PCSK2: variants seen among roughly 807,000 people sequenced by gnomAD.
PCSK2 encodes the protein neuroendocrine convertase 2.
A neutral mutation model predicts 69.7 loss-of-function variants in PCSK2; 14 were observed. That is an observed-to-expected ratio of 0.20 (90% CI 0.13 to 0.31). PCSK2 has a LOEUF of 0.31. PCSK2 is among the 10% of genes least tolerant of loss of function. The pLI is 1.00. For missense variants in PCSK2, 544 were observed against 842.5 expected, an observed-to-expected ratio of 0.65 and a Z score of 4.39; for synonymous variants, 307 against 320.7, an observed-to-expected ratio of 0.96 and a Z score of 0.46.
intron 9 of PCSK2, among the ~76,000 whole-genome samples, chr20:17,455,335 T>C (rs1242130223): frequency 6.6e-6 from 1 of 152,216 alleles, no homozygotes; most frequent in Non-Finnish European, 1.5e-5. Flanking sequence ...CCGTCGTTTA[T>C]ACATGATTTT....
intron 5 of PCSK2, among the ~76,000 whole-genome samples, chr20:17,386,354 A>G (rs2031233135): frequency 6.6e-6 from 1 of 152,224 alleles, no homozygotes; most frequent in Admixed American, 6.5e-5. Flanking sequence ...TCAATCAATC[A>G]ATCGATGAAT....
At chr20:17,245,017 G>A (rs1033918450) in intron 1 of PCSK2, among the ~76,000 whole-genome samples, 2 of 152,032 alleles carry the variant, frequency 1.3e-5, no homozygotes, top group African/African-American at 4.8e-5. Context: ...TTCTTCCCAG[G>A]CAGAGCAGGT....
intron 11 of PCSK2, among the ~76,000 whole-genome samples, chr20:17,481,280 G>T (rs2033394359): frequency 6.6e-6 from 1 of 151,316 alleles, no homozygotes; most frequent in East Asian, 1.9e-4. Context: ...TACTGGGGAG[G>T]CTGAGGCATG....
chr20:17,469,831 G>A lies in PCSK2; in HGVS notation c.1430+4278G>A, dbSNP rs531560039. 3.0e-3 allele frequency among the ~76,000 whole-genome samples: 449 copies of A among 152,076 alleles called. 2 individuals are homozygous for A. The highest frequency in any genetic ancestry group is 0.01 in the African/African-American group (416 of 41,486). ...GAGCCCAGTCACTTTGACCCCTCAC[G>A]GTGGGCTCTCAGGTATCTCAGTGAC... On this transcript the variant is annotated intron_variant, in intron 11 of 11. Transcript: ENST00000262545.
intron 2 of PCSK2, among the ~76,000 whole-genome samples, chr20:17,265,882 G>T (rs1429373202): frequency 1.3e-5 from 2 of 152,184 alleles, no homozygotes; most frequent in Non-Finnish European, 2.9e-5. Flanking sequence ...CAGAGAGAGA[G>T]AAGGTGACTT....
At chr20:17,370,126 A>G (rs1460981268) in intron 5 of PCSK2, among the ~76,000 whole-genome samples, 1 of 152,236 alleles carries the variant, frequency 6.6e-6, no homozygotes, top group East Asian at 1.9e-4. Context: ...ACAAGATTCA[A>G]GCATTGGTGC....
intron 2 of PCSK2, among the ~76,000 whole-genome samples, chr20:17,275,287 T>C (rs1441959596): frequency 6.6e-6 from 1 of 151,964 alleles, no homozygotes; most frequent in Non-Finnish European, 1.5e-5. Context: ...TGCAGTGATA[T>C]CAGCAGGTAA....
chr20:17,342,729 G>A (rs1990541078), intron 2 of PCSK2, among the ~76,000 whole-genome samples: 1 of 151,864 alleles, frequency 6.6e-6, no homozygotes, highest in African/African-American at 2.4e-5. Flanking sequence ...GACCTCCTGG[G>A]CTCTAGTGAT....
At chr20:17,296,065 T>C (rs1327248392) in intron 2 of PCSK2, among the ~76,000 whole-genome samples, 2 of 152,168 alleles carry the variant, frequency 1.3e-5, no homozygotes, top group African/African-American at 4.8e-5. Flanking sequence ...CTGATGTGTT[T>C]CAAAGCCCCA....
At chr20:17,378,133 A>G (rs1570008) in intron 5 of PCSK2, among the ~76,000 whole-genome samples, 137,766 of 152,150 alleles carry the variant, frequency 0.91, 62,490 homozygotes, top group South Asian at 0.96. Flanking sequence ...CTTAGTGCTA[A>G]CCTGGAAATA....
intron 1 of PCSK2, among the ~76,000 whole-genome samples, chr20:17,256,545 G>T (rs1257344832): frequency 1.3e-5 from 2 of 151,818 alleles, no homozygotes; most frequent in African/African-American, 4.8e-5. Context: ...CCTCTCCCCA[G>T]GTTGTTTGTT....
At chr20:17,300,447 T>C (rs1989042077) in intron 2 of PCSK2, among the ~76,000 whole-genome samples, 1 of 152,250 alleles carries the variant, frequency 6.6e-6, no homozygotes, top group South Asian at 2.1e-4. Context: ...CCTATCTGCA[T>C]GAAATATGGA....
At chr20:17,382,743 C>G (rs761003752) in intron 5 of PCSK2, among the ~76,000 whole-genome samples, 10 of 152,126 alleles carry the variant, frequency 6.6e-5, no homozygotes, top group Non-Finnish European at 1.3e-4. Context: ...TTACAAAGAA[C>G]AAAGTAGTGG....
rs1272741949 is a variant in PCSK2 at position 17,276,921 on chromosome 20, A to G, written c.282+16577A>G. Among the ~76,000 whole-genome samples the G allele has an allele frequency of 1.5e-3, 234 of 152,286 alleles. 4 individuals are homozygous for G. The highest frequency in any genetic ancestry group is 1.9e-4 in the Non-Finnish European group (13 of 68,032). On this transcript the variant is annotated intron_variant, in intron 2 of 11. Coordinates refer to ENST00000262545, the MANE Select transcript of PCSK2 (RefSeq NM_002594.5). ...AAATCACAAGCGTTCTTATACACCA[A>G]CAACAGACAAACAGAGAGCCAAATC...
intron 5 of PCSK2, among the ~76,000 whole-genome samples, chr20:17,408,198 C>A (rs151085971): frequency 2.9e-3 from 439 of 152,160 alleles, no homozygotes; most frequent in Admixed American, 6.7e-3. Context: ...AAGAAGCCAT[C>A]TGGGGTCTTC....
At chr20:17,351,038 T>TAAAA (rs11471979) in intron 2 of PCSK2, among the ~76,000 whole-genome samples, 24,958 of 133,484 alleles carry the variant, frequency 0.19, 2,745 homozygotes, top group East Asian at 0.51. Flanking sequence ...AGACTTCATC[T>TAAAA]AAAAAAAAAA....
intron 5 of PCSK2, among the ~76,000 whole-genome samples, chr20:17,392,936 G>GGGCT (rs1392767179): frequency 6.6e-6 from 1 of 152,082 alleles, no homozygotes; most frequent in Non-Finnish European, 1.5e-5. Flanking sequence ...TGGGATTGAG[G>GGGCT]GGCTGTATGG....
chr20:17,231,914 A>AC, intron 1 of PCSK2, among the ~76,000 whole-genome samples: 1 of 151,776 alleles, frequency 6.6e-6, no homozygotes, highest in Admixed American at 6.6e-5. Context: ...TCCCCTGGAG[A>AC]CCTCTCCATA....
chr20:17,370,265 G>A (rs531861700), intron 5 of PCSK2, among the ~76,000 whole-genome samples: 41 of 152,292 alleles, frequency 2.7e-4, no homozygotes, highest in African/African-American at 9.6e-4. Context: ...ATAAAAGAAA[G>A]GATGGTTACC....
Sources: allele counts gnomAD v4.1 joint callset (sites outside exome capture counted in the v4.1 genomes callset), GRCh38; gene constraint gnomAD v4.1.1; transcripts MANE v1.5; gene names NCBI Gene and HGNC (gene_info 2026-07-23, HGNC 2026-07-21).